Variants in CA10 observed in about 807,000 individuals in gnomAD.
The protein encoded by CA10 is carbonic anhydrase-related protein 10.
A neutral mutation model predicts 44.2 loss-of-function variants in CA10; 14 were observed. That is an observed-to-expected ratio of 0.32 (90% CI 0.21 to 0.50). The LOEUF is 0.50. Ranked by LOEUF, CA10 falls within the 20% of genes least tolerant of loss-of-function variation. The pLI, the probability that CA10 is intolerant of heterozygous loss-of-function variation, is 0.99. For missense variants in CA10, 350 were observed against 409.7 expected (o/e 0.85, Z 1.26); for synonymous variants, 159 against 141.6 (o/e 1.12, Z -0.87).
intron 3 of CA10, among the ~76,000 whole-genome samples, chr17:51,902,959 G>A (rs1423598005): frequency 5.3e-5 from 8 of 152,162 alleles, no homozygotes; most frequent in Middle Eastern, 3.2e-3. Context: ...AGAGGGACAC[G>A]CTGCTCATCA....
chr17:52,070,913 C>A, intron 2 of CA10, among the ~76,000 whole-genome samples: 1 of 152,184 alleles, frequency 6.6e-6, no homozygotes, highest in East Asian at 1.9e-4. Flanking sequence ...AGCAAGACTT[C>A]TTATTACCTG....
At chr17:51,915,924 C>T (rs976941291) in intron 3 of CA10, among the ~76,000 whole-genome samples, 7 of 151,428 alleles carry the variant, frequency 4.6e-5, no homozygotes, top group Non-Finnish European at 1.0e-4. Context: ...ACCCAAACTG[C>T]TTGGCATAGG....
chr17:52,020,947 C>G (rs1986119684), intron 2 of CA10, among the ~76,000 whole-genome samples: 1 of 151,972 alleles, frequency 6.6e-6, no homozygotes, highest in Non-Finnish European at 1.5e-5. Context: ...TAATGGCCTC[C>G]AGCATCACTC....
chr17:51,785,270 C>A (rs571295149), intron 3 of CA10, among the ~76,000 whole-genome samples: 56 of 150,218 alleles, frequency 3.7e-4, no homozygotes, highest in African/African-American at 1.3e-3. Flanking sequence ...ATACTGATTT[C>A]GTGGTTATTA....
At chr17:52,009,074 T>C (rs77041768) in intron 2 of CA10, among the ~76,000 whole-genome samples, 4,835 of 152,060 alleles carry the variant, frequency 0.032, 264 homozygotes, top group African/African-American at 0.11. Flanking sequence ...TCTATAGATA[T>C]GAACATAGCC....
chr17:51,766,171 C>T (rs1905373614), intron 3 of CA10, among the ~76,000 whole-genome samples: 1 of 152,172 alleles, frequency 6.6e-6, no homozygotes. Context: ...CTTTAAAAGG[C>T]TCCAGCTCAA....
intron 4 of CA10, among the ~76,000 whole-genome samples, chr17:51,667,568 CAAA>C (rs35051892): frequency 2.1e-5 from 3 of 146,094 alleles, no homozygotes; most frequent in Non-Finnish European, 3.0e-5. Context: ...GCTGAGCAAG[CAAA>C]AAAAAAAAAA....
At chr17:52,077,308 C>T (rs1051187838) in intron 1 of CA10, among the ~76,000 whole-genome samples, 7 of 152,142 alleles carry the variant, frequency 4.6e-5, no homozygotes, top group African/African-American at 1.7e-4. Flanking sequence ...GTGATCCCTT[C>T]TTGCACAGAG....
chr17:52,040,209 C>A (rs1311507607), intron 2 of CA10, among the ~76,000 whole-genome samples: 4 of 148,154 alleles, frequency 2.7e-5, no homozygotes, highest in Admixed American at 1.3e-4. Flanking sequence ...AAACCACCAT[C>A]TCCCCTGGAG....
chr17:51,956,725 T>C (rs1172520326), intron 2 of CA10, among the ~76,000 whole-genome samples: 1 of 152,132 alleles, frequency 6.6e-6, no homozygotes, highest in Non-Finnish European at 1.5e-5. Context: ...AAATGATACA[T>C]TTGGCAGTGG....
intron 1 of CA10, among the ~76,000 whole-genome samples, chr17:52,136,661 A>G (rs1025911940): frequency 6.6e-6 from 1 of 152,176 alleles, no homozygotes; most frequent in African/African-American, 2.4e-5. Flanking sequence ...AGCTAGAAAT[A>G]GGGTCCTGGA....
intron 1 of CA10, among the ~76,000 whole-genome samples, chr17:52,088,072 T>C (rs544914384): frequency 6.6e-6 from 1 of 152,096 alleles, no homozygotes; most frequent in East Asian, 1.9e-4. Flanking sequence ...CTGGGGCCTA[T>C]TGGAGGATGG....
chr17:51,861,244 C>T (rs900360951), intron 3 of CA10, among the ~76,000 whole-genome samples: 8 of 152,136 alleles, frequency 5.3e-5, no homozygotes, highest in Non-Finnish European at 1.2e-4. Flanking sequence ...TTGCTGGCCT[C>T]GCTTTTTCAT....
intron 3 of CA10, among the ~76,000 whole-genome samples, chr17:51,794,577 T>A (rs942765704): frequency 6.6e-6 from 1 of 152,192 alleles, no homozygotes; most frequent in Admixed American, 6.6e-5. Flanking sequence ...ACCAAAGACA[T>A]AAAACCATAT....
At chr17:51,790,382 GT>G (rs1906471660) in intron 3 of CA10, among the ~76,000 whole-genome samples, 1 of 152,206 alleles carries the variant, frequency 6.6e-6, no homozygotes, top group South Asian at 2.1e-4. Flanking sequence ...CTGAGTTGCA[GT>G]TAATAAATCT....
intron 3 of CA10, among the ~76,000 whole-genome samples, chr17:51,874,300 T>G (rs1979949752): frequency 6.6e-6 from 1 of 152,094 alleles, no homozygotes; most frequent in Admixed American, 6.6e-5. Context: ...ATGCCCATTC[T>G]TAGTGGAGGT....
intron 2 of CA10, among the ~76,000 whole-genome samples, chr17:52,018,593 GAAAT>G (rs1417622542): frequency 6.6e-6 from 1 of 152,098 alleles, no homozygotes; most frequent in African/African-American, 2.4e-5. Flanking sequence ...TTATATCTAG[GAAAT>G]AAATAACTTA....
At chr17:51,784,518 G>A (rs1376879699) in intron 3 of CA10, among the ~76,000 whole-genome samples, 4 of 152,074 alleles carry the variant, frequency 2.6e-5, no homozygotes, top group African/African-American at 7.2e-5. Flanking sequence ...TCTGTCTTCC[G>A]CCCCTTCCCA....
chr17:51,786,844 GTTCT>G (rs1356059005), intron 3 of CA10, among the ~76,000 whole-genome samples: 4 of 151,910 alleles, frequency 2.6e-5, no homozygotes, highest in Non-Finnish European at 5.9e-5. Flanking sequence ...GGTGAGGTAC[GTTCT>G]TTCTATACCT....
Sources: allele counts gnomAD v4.1 joint callset (sites outside exome capture counted in the v4.1 genomes callset), GRCh38; gene constraint gnomAD v4.1.1; transcripts MANE v1.5; gene names NCBI Gene and HGNC (gene_info 2026-07-23, HGNC 2026-07-21).